Variants in CA10 observed in about 807,000 individuals in gnomAD.
The protein encoded by CA10 is carbonic anhydrase-related protein 10.
In CA10, 14 loss-of-function variants were observed where a neutral mutation model predicts 44.2. The observed-to-expected ratio is 0.32, with a 90% confidence interval of 0.21 to 0.50. The LOEUF (loss-of-function observed/expected upper bound fraction) is 0.50, where lower values mean the gene tolerates loss of function less well. Ranked by LOEUF, CA10 falls within the 20% of genes least tolerant of loss-of-function variation. CA10 has a pLI of 0.99. For synonymous variants in CA10, 159 were observed against 141.6 expected (o/e 1.12, Z -0.87); for missense variants, 350 against 409.7 (o/e 0.85, Z 1.26).
intron 1 of CA10, among the ~76,000 whole-genome samples, chr17:52,104,039 T>G (rs565945453): frequency 6.6e-6 from 1 of 152,322 alleles, no homozygotes; most frequent in South Asian, 2.1e-4. Flanking sequence ...ATCCATAAAA[T>G]GAGGATAATT....
intron 1 of CA10, among the ~76,000 whole-genome samples, chr17:52,136,787 G>A (rs574059812): frequency 4.1e-4 from 62 of 152,294 alleles, no homozygotes; most frequent in African/African-American, 1.4e-3. Context: ...ATGGAAGGAA[G>A]GAGGTGACAG....
rs1165746280 is a variant in CA10 at position 51,991,647 on chromosome 17, T to C, written c.137-60515A>G. On this transcript the variant is annotated intron_variant, in intron 2 of 8. Coordinates refer to ENST00000451037, the MANE Select transcript of CA10 (RefSeq NM_020178.5). ...CAACATGAAGAAACCCTGTCTCTACTAAAAACACAAAATTAGCTGGGCGTG... is the reference window on the plus strand; with the variant it reads ...CAACATGAAGAAACCCTGTCTCTACCAAAAACACAAAATTAGCTGGGCGTG... Among the ~76,000 whole-genome samples, 4 of 152,126 alleles carry C rather than the reference T, an allele frequency of 2.6e-5. No homozygotes were observed. In the East Asian group the frequency reaches 7.8e-4, roughly 30 times the overall value.
At chr17:51,743,353 T>G (rs1904538701) in intron 4 of CA10, among the ~76,000 whole-genome samples, 1 of 152,236 alleles carries the variant, frequency 6.6e-6, no homozygotes, top group East Asian at 1.9e-4. Flanking sequence ...ATACTGGACA[T>G]TAATCTAACC....
At chr17:51,850,232 T>C (rs1017870946) in intron 3 of CA10, among the ~76,000 whole-genome samples, 6 of 152,200 alleles carry the variant, frequency 3.9e-5, no homozygotes, top group Admixed American at 3.9e-4. Context: ...GCATGGCATA[T>C]GTATAAATCT....
intron 2 of CA10, among the ~76,000 whole-genome samples, chr17:51,993,971 A>T (rs1377746192): frequency 6.6e-6 from 1 of 152,114 alleles, no homozygotes; most frequent in Non-Finnish European, 1.5e-5. Flanking sequence ...TTCACATCTT[A>T]AAGGCAATAA....
At chr17:51,680,161 T>C (rs1243028201) in intron 4 of CA10, among the ~76,000 whole-genome samples, 2 of 152,170 alleles carry the variant, frequency 1.3e-5, no homozygotes, top group East Asian at 1.9e-4. Context: ...GAGGGAAAGA[T>C]CATTTCCAGT....
At chr17:52,086,165 T>G (rs1054261748) in intron 1 of CA10, among the ~76,000 whole-genome samples, 1 of 152,228 alleles carries the variant, frequency 6.6e-6, no homozygotes, top group Non-Finnish European at 1.5e-5. Flanking sequence ...TTTAATATAT[T>G]CTAGGCTAAA....
intron 2 of CA10, among the ~76,000 whole-genome samples, chr17:52,057,929 G>T (rs922280107): frequency 6.6e-6 from 1 of 152,010 alleles, no homozygotes; most frequent in Non-Finnish European, 1.5e-5. Context: ...TCAAGAGGTT[G>T]ATTAGCTAGA....
rs377290070 is a variant in CA10, at chr17:51,717,821, A to ATG, written c.465+29810_465+29811dup. On this transcript the variant is annotated intron_variant, in intron 4 of 8. Transcript: ENST00000451037. ...TGTGTATATATATACACGTATATAT[A>ATG]TGTGTGTGTATATATATATATATAT... 9.3e-3 allele frequency among the ~76,000 whole-genome samples: 355 copies of ATG among 38,086 alleles called. 73 individuals carry two copies. Among genetic ancestry groups the ATG allele is most frequent in the African/African-American group, 0.03 (243 of 8,224 alleles). 25.0% of individuals were successfully genotyped at this position (38,086 alleles called of 152,430 possible).
intron 1 of CA10, among the ~76,000 whole-genome samples, chr17:52,091,758 A>G (rs1988272922): frequency 3.3e-5 from 5 of 152,124 alleles, no homozygotes; most frequent in Admixed American, 3.3e-4. Context: ...ATACACTAGA[A>G]TTCAATTTAG....
intron 2 of CA10, among the ~76,000 whole-genome samples, chr17:52,010,394 GTGTGTA>G (rs1567701548): frequency 2.0e-5 from 3 of 151,898 alleles, no homozygotes; most frequent in Admixed American, 6.6e-5. Flanking sequence ...TGTGCTGTGT[GTGTGTA>G]TGTGTATGTA....
intron 2 of CA10, among the ~76,000 whole-genome samples, chr17:51,944,613 CAT>C (rs1412876868): frequency 6.6e-6 from 1 of 152,012 alleles, no homozygotes; most frequent in Non-Finnish European, 1.5e-5. Flanking sequence ...CCATCATTAA[CAT>C]AAATTTTAAC....
At chr17:51,935,139 T>C (rs920712774) in intron 2 of CA10, among the ~76,000 whole-genome samples, 9 of 152,158 alleles carry the variant, frequency 5.9e-5, no homozygotes, top group African/African-American at 2.2e-4. Context: ...CATAGTGTTA[T>C]CTTTCAGGTT....
intron 7 of CA10, among the ~76,000 whole-genome samples, chr17:51,635,054 C>G (rs575636971): frequency 3.3e-5 from 5 of 152,118 alleles, no homozygotes; most frequent in Non-Finnish European, 7.4e-5. Context: ...GTACTGGTAA[C>G]CCCTAGTTGC....
At chr17:51,992,761 G>T (rs980859075) in intron 2 of CA10, among the ~76,000 whole-genome samples, 1 of 151,952 alleles carries the variant, frequency 6.6e-6, no homozygotes, top group Non-Finnish European at 1.5e-5. Flanking sequence ...CAAAACTAAG[G>T]TTCCCAAAGT....
intron 3 of CA10, among the ~76,000 whole-genome samples, chr17:51,885,319 A>G (rs746726831): frequency 6.6e-6 from 1 of 152,158 alleles, no homozygotes; most frequent in Non-Finnish European, 1.5e-5. Context: ...AACAATGGAT[A>G]CAGCATTCAT....
rs1002237229 is a variant in CA10, at chr17:51,982,894, G to C, written c.137-51762C>G. Among the ~76,000 whole-genome samples the C allele has an allele frequency of 7.2e-5, 11 of 151,938 alleles. 1 individual carries two copies. In the Middle Eastern group the frequency reaches 0.01, roughly 141 times the overall value. ...TTTGATGAGGGACCAATGACCCGTAGAAAGCAGAAATTTTGAAATACCATC... is the reference window on the plus strand; with the variant it reads ...TTTGATGAGGGACCAATGACCCGTACAAAGCAGAAATTTTGAAATACCATC... On this transcript the variant is annotated intron_variant, in intron 2 of 8. Transcript: ENST00000451037.
intron 1 of CA10, among the ~76,000 whole-genome samples, chr17:52,131,901 A>C (rs1989248961): frequency 6.6e-6 from 1 of 152,138 alleles, no homozygotes; most frequent in South Asian, 2.1e-4. Context: ...TCAGTAAACT[A>C]TAGCTAGGAC....
chr17:52,036,774 T>A (rs1343395799), intron 2 of CA10, among the ~76,000 whole-genome samples: 1 of 152,208 alleles, frequency 6.6e-6, no homozygotes, highest in Non-Finnish European at 1.5e-5. Flanking sequence ...GAATGTATAG[T>A]GTTTTGGCCT....
Sources: allele counts gnomAD v4.1 joint callset (sites outside exome capture counted in the v4.1 genomes callset), GRCh38; gene constraint gnomAD v4.1.1; transcripts MANE v1.5; gene names NCBI Gene and HGNC (gene_info 2026-07-23, HGNC 2026-07-21).